The following ABLIM1 variants were observed in gnomAD, a reference collection of about 807,000 sequenced individuals.
ABLIM1 encodes actin-binding LIM protein 1.
In ABLIM1, 40 loss-of-function variants were observed where a neutral mutation model predicts 107.0. That is an observed-to-expected ratio of 0.37 (90% CI 0.29 to 0.49). The LOEUF (loss-of-function observed/expected upper bound fraction) is 0.49, where lower values mean the gene tolerates loss of function less well. ABLIM1 is among the 20% of genes least tolerant of loss of function. The pLI, the probability that ABLIM1 is intolerant of heterozygous loss-of-function variation, is 0.97. For synonymous variants in ABLIM1, 357 were observed against 357.3 expected, an observed-to-expected ratio of 1.00 and a Z score of 0.01; for missense variants, 857 against 1,008.5, an observed-to-expected ratio of 0.85 and a Z score of 2.04.
chr10:114,660,987 C>T (rs1212323324), upstream of ABLIM1, among the ~76,000 whole-genome samples: 2 of 152,204 alleles, frequency 1.3e-5, no homozygotes, highest in African/African-American at 4.8e-5. Flanking sequence ...ATTAACTCTA[C>T]CTCAGTGCTT....
intron 19 of ABLIM1, 95 bp from the exon 20 acceptor site, chr10:114,440,184 A>G (rs753382993): frequency 2.3e-4 from 290 of 1,272,526 alleles, no homozygotes; most frequent in Non-Finnish European, 3.1e-4. Context: ...TTCCCAACAT[A>G]TTCGCCCTAT....
chr10:114,582,614 T>C (rs2073526094), intron 2 of ABLIM1, among the ~76,000 whole-genome samples: 1 of 152,118 alleles, frequency 6.6e-6, no homozygotes, highest in Admixed American at 6.5e-5. Flanking sequence ...CAAACTATAC[T>C]ACAAGGCTAC....
chr10:114,664,541 G>A (rs1014333997), intron 1 of ABLIM1, among the ~76,000 whole-genome samples: 1 of 151,610 alleles, frequency 6.6e-6, no homozygotes, highest in Admixed American at 6.6e-5. Context: ...TTTAAAAAAT[G>A]TTATTTTATT....
intron 2 of ABLIM1, among the ~76,000 whole-genome samples, chr10:114,584,785 A>G (rs1376649501): frequency 6.6e-6 from 1 of 152,232 alleles, no homozygotes; most frequent in African/African-American, 2.4e-5. Flanking sequence ...ACAGCCAGGC[A>G]TTTGAGAGTT....
intron 5 of ABLIM1, among the ~76,000 whole-genome samples, chr10:114,545,402 C>T (rs1316261401): frequency 6.6e-6 from 1 of 152,230 alleles, no homozygotes. Context: ...TGGCAGCATT[C>T]TCTCTCCACA....
At chr10:114,664,681 T>G (rs1361355533) in intron 1 of ABLIM1, among the ~76,000 whole-genome samples, 1 of 151,598 alleles carries the variant, frequency 6.6e-6, no homozygotes, top group African/African-American at 2.4e-5. Context: ...GTGGCTGAGA[T>G]TACAGGTGTA....
intron 1 of ABLIM1, among the ~76,000 whole-genome samples, chr10:114,728,800 T>C (rs2082015140): frequency 6.6e-6 from 1 of 152,130 alleles, no homozygotes; most frequent in African/African-American, 2.4e-5. Flanking sequence ...AGAATTCAGC[T>C]GTATTTGTAA....
At chr10:114,495,696 C>G (rs2059576067) in intron 6 of ABLIM1, among the ~76,000 whole-genome samples, 1 of 152,088 alleles carries the variant, frequency 6.6e-6, no homozygotes. Flanking sequence ...GTCAATTACT[C>G]TTTTACGTAC....
In ABLIM1 at chr10:114,432,894, T is replaced by A. The variant is rs1470975967; in HGVS notation, c.*3366A>T. On this transcript the variant is annotated 3_prime_UTR_variant, in exon 23 of 23. Coordinates refer to ENST00000533213, the MANE Select transcript of ABLIM1 (RefSeq NM_002313.7). ...AACACGTCATATTAAGAACATTTCA[T>A]AACTAACCCCAAACCAAAATGTAGA... 6.6e-6 allele frequency: 1 copy of A among 152,224 alleles called. No individual in the cohort carries two copies. Among genetic ancestry groups the A allele is most frequent in the Non-Finnish European group, 1.5e-5 (1 of 68,052 alleles). The allele number at this position is 152,224 out of a possible 1,614,324, so 9.4% of individuals were successfully genotyped here.
the ABLIM1 span, among the ~76,000 whole-genome samples, chr10:114,788,139 G>C: frequency 1.3e-5 from 2 of 151,512 alleles, no homozygotes; most frequent in Non-Finnish European, 2.9e-5. Context: ...CAGCATGCTC[G>C]TTAAGAGTCA....
chr10:114,519,726 C>T (rs201414935), intron 6 of ABLIM1, among the ~76,000 whole-genome samples: 1 of 152,196 alleles, frequency 6.6e-6, no homozygotes, highest in East Asian at 1.9e-4. Flanking sequence ...AATGACACAT[C>T]AGGGTTCGCC....
intron 11 of ABLIM1, 124 bp from the exon 12 acceptor site, chr10:114,465,951 AT>A: frequency 8.9e-7 from 1 of 1,127,888 alleles, no homozygotes; most frequent in Non-Finnish European, 1.2e-6. Context: ...ATATGCACTT[AT>A]TTTTATGTGC....
chr10:114,491,099 G>A (rs1199303204), intron 7 of ABLIM1, among the ~76,000 whole-genome samples: 3 of 149,208 alleles, frequency 2.0e-5, no homozygotes, highest in East Asian at 2.0e-4. Context: ...TGAACTCCTC[G>A]GTTCAAGCAG....
chr10:114,559,467 GAAAGAAAA>G (rs1565932501), intron 4 of ABLIM1, among the ~76,000 whole-genome samples: 1 of 122,616 alleles, frequency 8.2e-6, no homozygotes, highest in East Asian at 2.3e-4. Flanking sequence ...AAAAAAGAAA[GAAAGAAAA>G]AAAGAAAAAA....
intron 7 of ABLIM1, among the ~76,000 whole-genome samples, chr10:114,490,110 A>G (rs140965992): frequency 2.6e-5 from 4 of 152,310 alleles, no homozygotes; most frequent in Non-Finnish European, 4.4e-5. Context: ...CAGACCAAAT[A>G]AAGAATAAAT....
chr10:114,492,862 A>C (rs1590380318), intron 6 of ABLIM1, among the ~76,000 whole-genome samples: 1 of 152,226 alleles, frequency 6.6e-6, no homozygotes, highest in African/African-American at 2.4e-5. Flanking sequence ...TTCCTTTCTC[A>C]TACTTTCCTG....
chr10:114,616,486 G>A (rs2077139332), intron 1 of ABLIM1, among the ~76,000 whole-genome samples: 1 of 152,200 alleles, frequency 6.6e-6, no homozygotes, highest in African/African-American at 2.4e-5. Context: ...AATCCAACAG[G>A]TCCAGTTCCT....
intron 1 of ABLIM1, among the ~76,000 whole-genome samples, chr10:114,691,518 C>T (rs2081078860): frequency 6.6e-6 from 1 of 152,132 alleles, no homozygotes; most frequent in Non-Finnish European, 1.5e-5. Flanking sequence ...AAAATGCATG[C>T]TGTATTCCCT....
rs927783974 is a variant in ABLIM1 at position 114,468,364 on chromosome 10, T to C, written c.1276-148A>G. 5.9e-6 allele frequency: 4 copies of C among 679,678 alleles called. No homozygotes were observed. The African/African-American group carries it at 7.2e-5, about 12-fold the overall frequency. The allele number at this position is 679,678 out of a possible 1,614,324, so 42.1% of individuals were successfully genotyped here. On this transcript the variant is annotated intron_variant, in intron 10 of 22. Transcript: ENST00000533213. ...ATCTCGGTTTACTGCAATCTCCGCC[T>C]CCCAGGTTCAAGCGATTCTCCTGCC...
Sources: gnomAD v4.1 joint callset for allele counts (sites outside exome capture counted in the v4.1 genomes callset) on GRCh38, gnomAD v4.1.1 for gene constraint, MANE v1.5 for transcripts, NCBI Gene and HGNC (gene_info 2026-07-23, HGNC 2026-07-21) for gene names.